Variants in ZNF236 observed in about 807,000 individuals in gnomAD.
ZNF236 encodes the protein regulated by glucose.
In ZNF236, 50 loss-of-function variants were observed where a neutral mutation model predicts 191.2. The ratio of observed to expected loss-of-function variants is 0.26; its 90% CI spans 0.21 to 0.33. ZNF236 has a LOEUF of 0.33. Among genes scored for constraint, ZNF236 ranks in the 10% least tolerant of loss-of-function variants. ZNF236 has a pLI of 1.00. For synonymous variants in ZNF236, 907 were observed against 928.8 expected, an observed-to-expected ratio of 0.98 and a Z score of 0.43; for missense variants, 1,754 against 2,374.5, an observed-to-expected ratio of 0.74 and a Z score of 5.43.
At position 76,960,517 on chromosome 18, in the gene ZNF236, G is replaced by T. The variant is rs1041144668; in HGVS notation, c.5243-162G>T. On this transcript the variant is annotated intron_variant, in intron 29 of 30. Transcript: ENST00000320610. The surrounding 1 kb of genome is among the most constrained non-coding windows in gnomAD (Gnocchi z 4.4). ...TTAGGACCTGGCCAGGCTCCCTCTG[G>T]TCTCCCTATGGCTCCTCCAGCCCTT... 3.9e-5 allele frequency among the ~76,000 whole-genome samples: 6 copies of T among 152,104 alleles called. No homozygotes were observed. Among genetic ancestry groups the T allele is most frequent in the African/African-American group, 7.2e-5 (3 of 41,422 alleles).
chr18:76,950,005 T>C (rs1202497624), intron 27 of ZNF236, among the ~76,000 whole-genome samples: 1 of 152,142 alleles, frequency 6.6e-6, no homozygotes, highest in Non-Finnish European at 1.5e-5. Context: ...TAAAAATACC[T>C]TATTGCTAAA....
In ZNF236 at chr18:76,968,340, T is replaced by C. The variant is rs777143659; in HGVS notation, c.*1T>C. The C allele has an allele frequency of 2.5e-6, 4 of 1,605,908 alleles. No individual in the cohort carries two copies. The South Asian group carries it at 4.5e-5, about 18-fold the overall frequency. Reference sequence around the variant, plus strand: ...GCAGGCCCTCACCCACGTCTTCTGATGCGAGTTGGAAGTACACCTTTAAGA... The same window carrying C: ...GCAGGCCCTCACCCACGTCTTCTGACGCGAGTTGGAAGTACACCTTTAAGA... On this transcript the variant is annotated 3_prime_UTR_variant, in exon 31 of 31. Coordinates refer to ENST00000320610, the MANE Select transcript of ZNF236 (RefSeq NM_001306089.2).
intron 9 of ZNF236, among the ~76,000 whole-genome samples, chr18:76,893,517 T>C (rs1369465103): frequency 6.6e-6 from 1 of 152,188 alleles, no homozygotes; most frequent in African/African-American, 2.4e-5. Context: ...CTTTCCTTTT[T>C]TTCTTTTTGA....
Position 76,889,442 on chromosome 18 carries a change from T to C in ZNF236, c.1418-5571T>C, listed in dbSNP as rs114948090. ...AGATACCTTTTGATGCCTGGCATGG[T>C]GCTTGGCACTTGTCATGCTGTGCTT... On this transcript the variant is annotated intron_variant, in intron 9 of 30. Transcript: ENST00000320610. Among the ~76,000 whole-genome samples, 336 of 152,300 alleles carry C rather than the reference T, an allele frequency of 2.2e-3. 1 individual carries two copies. The highest frequency in any genetic ancestry group is 7.5e-3 in the African/African-American group (311 of 41,556).
intron 9 of ZNF236, among the ~76,000 whole-genome samples, chr18:76,890,461 C>T (rs572747936): frequency 1.1e-3 from 161 of 152,254 alleles, no homozygotes; most frequent in Non-Finnish European, 2.1e-3. Flanking sequence ...AGGATTTTGT[C>T]AACAGTTACA....
chr18:76,895,568 G>A (rs148829535), intron 10 of ZNF236, among the ~76,000 whole-genome samples: 51 of 149,360 alleles, frequency 3.4e-4, no homozygotes, highest in African/African-American at 5.2e-4. Flanking sequence ...TACTGCACAC[G>A]AGTACTGCCC....
chr18:76,965,767 G>A (rs1968757045), intron 30 of ZNF236, among the ~76,000 whole-genome samples: 1 of 152,214 alleles, frequency 6.6e-6, no homozygotes, highest in Non-Finnish European at 1.5e-5. Flanking sequence ...ATGGGTACCG[G>A]TGCCTGTTCC....
chr18:76,892,859 A>G (rs1346707119), intron 9 of ZNF236, among the ~76,000 whole-genome samples: 2 of 152,156 alleles, frequency 1.3e-5, no homozygotes, highest in African/African-American at 4.8e-5. Context: ...GAGCCACCGC[A>G]CCTGGACTTA....
intron 9 of ZNF236, among the ~76,000 whole-genome samples, 154 bp from the exon 10 acceptor site, chr18:76,894,859 C>T (rs529965134): frequency 1.2e-4 from 18 of 152,342 alleles, no homozygotes; most frequent in Admixed American, 1.0e-3. Context: ...GCGAGATTAA[C>T]TCCTAGCCCT....
At chr18:76,965,495 G>A (rs1968749585) in intron 30 of ZNF236, among the ~76,000 whole-genome samples, 1 of 152,168 alleles carries the variant, frequency 6.6e-6, no homozygotes, top group African/African-American at 2.4e-5. Context: ...GGTTTTTCTG[G>A]TTCCTTTTCA....
intron 30 of ZNF236, among the ~76,000 whole-genome samples, chr18:76,965,586 T>G (rs1465595495): frequency 6.6e-6 from 1 of 152,218 alleles, no homozygotes; most frequent in African/African-American, 2.4e-5. Flanking sequence ...GTTCTCTTGA[T>G]ATAGTACTCC....
At chr18:76,860,990 G>T (rs1976202582) in intron 3 of ZNF236, among the ~76,000 whole-genome samples, 1 of 152,080 alleles carries the variant, frequency 6.6e-6, no homozygotes, top group Non-Finnish European at 1.5e-5. Context: ...CAGCTTCCTT[G>T]GCACTGTGTG....
At chr18:76,843,775 CAAA>C (rs780026489) in intron 1 of ZNF236, among the ~76,000 whole-genome samples, 99 of 8,248 alleles carry the variant, frequency 0.012, 2 homozygotes, top group African/African-American at 0.059. Context: ...GACTCCGTCT[CAAA>C]AAAAAAAAAA....
chr18:76,942,758 C>T (rs1968161942), intron 26 of ZNF236, among the ~76,000 whole-genome samples: 1 of 150,584 alleles, frequency 6.6e-6, no homozygotes, highest in South Asian at 2.1e-4. Flanking sequence ...TCGTGATCCG[C>T]CCGCCTTGGC....
chr18:76,933,955 A>G (rs1482912955), intron 25 of ZNF236, among the ~76,000 whole-genome samples: 2 of 152,222 alleles, frequency 1.3e-5, no homozygotes, highest in African/African-American at 4.8e-5. Flanking sequence ...CACACCACTA[A>G]TAATTGAAAT....
In ZNF236 at chr18:76,970,770, G is replaced by C. The variant is rs1185158747; in HGVS notation, c.*2431G>C. The C allele has an allele frequency of 6.6e-6, 1 of 152,254 alleles. No individual in the cohort carries two copies. Among genetic ancestry groups the C allele is most frequent in the Non-Finnish European group, 1.5e-5 (1 of 68,042 alleles). The allele number at this position is 152,254 out of a possible 1,614,324, so 9.4% of individuals were successfully genotyped here. A position where few individuals can be genotyped will look rare whatever the true frequency, so the allele number is the denominator to read the frequency against. On this transcript the variant is annotated 3_prime_UTR_variant, in exon 31 of 31. Coordinates refer to ENST00000320610, the MANE Select transcript of ZNF236 (RefSeq NM_001306089.2). ...GTTTGAAAATATTTAAGATAAAACA[G>C]TTTGGCATGTAAATTAATTTCAAGT... is the stretch of plus-strand genomic sequence containing the variant.
intron 1 of ZNF236, chr18:76,841,019 A>ACTGAACC (rs1163848273): frequency 1.3e-5 from 2 of 150,040 alleles, no homozygotes; most frequent in East Asian, 3.9e-4. Flanking sequence ...CCTCACTGCA[A>ACTGAACC]CCTCCACCTC....
Position 76,880,933 on chromosome 18 carries a change from G to A in ZNF236, c.1189-351G>A, listed in dbSNP as rs1397415900. Among the ~76,000 whole-genome samples the A allele has an allele frequency of 1.3e-5, 2 of 152,192 alleles. No individual in the cohort carries two copies. The highest frequency in any genetic ancestry group is 2.9e-5 in the Non-Finnish European group (2 of 68,030). The stretch of plus-strand genomic sequence containing the variant: ...GTCGTTCTACAGCCGATACCTGAAA[G>A]TTAAACCCAGTGTAACTCAAAAGCC... On this transcript the variant is annotated intron_variant, in intron 8 of 30. Coordinates refer to ENST00000320610, the MANE Select transcript of ZNF236 (RefSeq NM_001306089.2). The surrounding 1 kb of genome is among the most constrained non-coding windows in gnomAD (Gnocchi z 5.0).
chr18:76,927,322 T>G lies in ZNF236; in HGVS notation c.4219T>G (p.Leu1407Val). Residue 1407 changes from leucine to valine, a missense_variant, in exon 24 of 31, where the codon TTG becomes GTG. By Grantham distance (32) the Leu-to-Val change is conservative. This residue lies in a region of ZNF236 where 606 missense variants were observed against 761.5 expected (regional missense o/e 0.80). Coordinates refer to ENST00000320610, the MANE Select transcript of ZNF236 (RefSeq NM_001306089.2). This position sits in a 1 kb window ranked among gnomAD's most constrained non-coding sequence, Gnocchi z 5.4. ...LQQTLQQGNL[L>V]AQQLTGEPGL... ...GCAGACGCTACAGCAGGGCAACCTA[T>G]TGGCTCAGCAGCTCACGGGGGAGCC... 6.2e-7 allele frequency: 1 copy of G among 1,614,150 alleles called. No individual in the cohort carries two copies. The highest frequency in any genetic ancestry group is 1.3e-5 in the African/African-American group (1 of 75,024).
Sources: gnomAD v4.1 joint callset for allele counts (sites outside exome capture counted in the v4.1 genomes callset) on GRCh38, gnomAD v4.1.1 for gene constraint, gnomAD v4.1.1 regional missense constraint, Gnocchi (gnomAD v3.1) non-coding constraint, MANE v1.5 for transcripts, NCBI Gene and HGNC (gene_info 2026-07-23, HGNC 2026-07-21) for gene names.